Variants in PIEZO2 observed in about 807,000 individuals in gnomAD.
The protein encoded by PIEZO2 is piezo type mechanosensitive ion channel component 2, also known as piezo-type mechanosensitive ion channel component 2.
In PIEZO2, 172 loss-of-function variants were observed where a neutral mutation model predicts 337.3. That is an observed-to-expected ratio of 0.51 (90% CI 0.45 to 0.58). The LOEUF (loss-of-function observed/expected upper bound fraction) is 0.58. PIEZO2 is among the 20% of genes least tolerant of loss of function. PIEZO2 has a pLI of 0.00. For synonymous variants in PIEZO2, 1,251 were observed against 1,228.5 expected (o/e 1.02, Z -0.38); for missense variants, 3,028 against 3,391.3 (o/e 0.89, Z 2.66).
At position 11,131,177 on chromosome 18, in the gene PIEZO2, G is replaced by A. The variant is rs1043110329; in HGVS notation, c.64+17348C>T. Among the ~76,000 whole-genome samples the A allele has an allele frequency of 3.3e-5, 5 of 152,190 alleles. No individual in the cohort carries two copies. Among genetic ancestry groups the A allele is most frequent in the Admixed American group, 1.3e-4 (2 of 15,286 alleles). The stretch of plus-strand genomic sequence containing the variant: ...ACTATCGGTCATCAAGTCACCATGC[G>A]ACCTTAACTGCCTATCATGAACTGG... On this transcript the variant is annotated intron_variant, in intron 1 of 55. Coordinates refer to ENST00000674853, the MANE Select transcript of PIEZO2 (RefSeq NM_001378183.1). This position sits in a 1 kb window ranked among gnomAD's most constrained non-coding sequence, Gnocchi z 5.3.
chr18:10,738,818 AG>A (rs1355270686), intron 33 of PIEZO2: 2 of 152,226 alleles, frequency 1.3e-5, no homozygotes, highest in Admixed American at 1.3e-4. Flanking sequence ...TTGAAACATA[AG>A]GTATTGGAAT....
In PIEZO2 at chr18:11,116,339, G is replaced by A. The variant is rs1277524716; in HGVS notation, c.64+32186C>T. On this transcript the variant is annotated intron_variant, in intron 1 of 55. Coordinates refer to ENST00000674853, the MANE Select transcript of PIEZO2 (RefSeq NM_001378183.1). This position sits in a 1 kb window ranked among gnomAD's most constrained non-coding sequence, Gnocchi z 5.0. ...ACCACTAATAGAATATGTGCAAGGG[G>A]CTCTTGAGGAGGAAGCTGCCCAACG... Among the ~76,000 whole-genome samples, 1 of 152,160 alleles carries A rather than the reference G, an allele frequency of 6.6e-6. No homozygotes were observed. The highest frequency in any genetic ancestry group is 2.4e-5 in the African/African-American group (1 of 41,434).
rs2036536976 is a variant in PIEZO2, at chr18:10,726,323, C to T, written c.5029+5084G>A. ...CCGGCCAGGTGGAGCAGGTGGGTCC[C>T]CGAACGCCCCGCCCAGCGCTGCCTC... is the stretch of plus-strand genomic sequence containing the variant. On this transcript the variant is annotated intron_variant, in intron 36 of 55. Transcript: ENST00000674853. The surrounding 1 kb of genome is among the most constrained non-coding windows in gnomAD (Gnocchi z 5.9). The T allele has an allele frequency of 4.3e-6, 6 of 1,393,036 alleles. No homozygotes were observed. Among genetic ancestry groups the T allele is most frequent in the Non-Finnish European group, 5.8e-6 (6 of 1,035,354 alleles). 86.3% of individuals were successfully genotyped at this position (1,393,036 alleles called of 1,614,324 possible).
rs2036813304 is a variant in PIEZO2 at position 11,033,530 on chromosome 18, C to T, written c.160+32597G>A. ...TTTTTACAGAATTGCCTCCAAGACA[C>T]ACTTAAGGAACGCATTCCATGACAC... On this transcript the variant is annotated intron_variant, in intron 2 of 55. Coordinates refer to ENST00000674853, the MANE Select transcript of PIEZO2 (RefSeq NM_001378183.1). The surrounding 1 kb of genome is among the most constrained non-coding windows in gnomAD (Gnocchi z 4.2). Among the ~76,000 whole-genome samples the T allele has an allele frequency of 6.6e-6, 1 of 152,210 alleles. No homozygotes were observed. Among genetic ancestry groups the T allele is most frequent in the African/African-American group, 2.4e-5 (1 of 41,450 alleles).
rs1256377346 is a variant in PIEZO2, at chr18:10,750,231, GA to G, written c.4168-45del. 14 of 1,406,688 alleles carry G rather than the reference GA, an allele frequency of 1.0e-5. No homozygotes were observed. The highest frequency in any genetic ancestry group is 1.7e-4 in the Middle Eastern group (1 of 5,732). The allele number at this position is 1,406,688 out of a possible 1,614,324, so 87.1% of individuals were successfully genotyped here. On this transcript the variant is annotated intron_variant, in intron 28 of 55. Coordinates refer to ENST00000674853, the MANE Select transcript of PIEZO2 (RefSeq NM_001378183.1). This position sits in a 1 kb window ranked among gnomAD's most constrained non-coding sequence, Gnocchi z 4.1. ...GGATAATCCTGAAGCTCTGCAGCCA[GA>G]AAAAAAAGTGGTGTTTTATGATCCC...
chr18:11,117,459 C>T (rs1434180371), intron 1 of PIEZO2, among the ~76,000 whole-genome samples: 2 of 152,252 alleles, frequency 1.3e-5, no homozygotes, highest in South Asian at 2.1e-4. Context: ...CATGGAATTC[C>T]TAAAAGACAC....
Position 11,065,984 on chromosome 18 carries a change from A to G in PIEZO2, c.160+143T>C, listed in dbSNP as rs571874792. 6.3e-6 allele frequency: 4 copies of G among 630,810 alleles called. No homozygotes were observed. In the South Asian group the frequency reaches 8.5e-5, roughly 13 times the overall value. 39.1% of individuals were successfully genotyped at this position (630,810 alleles called of 1,614,324 possible). A position where few individuals can be genotyped will look rare whatever the true frequency, so the allele number is the denominator to read the frequency against. Reference sequence around the variant, plus strand: ...CAGCTCTACTTAGTGTAGTTCTTAAAATGTTTGACACCCACTCCATGCCAT... The same window carrying G: ...CAGCTCTACTTAGTGTAGTTCTTAAGATGTTTGACACCCACTCCATGCCAT... On this transcript the variant is annotated intron_variant, in intron 2 of 55. Transcript: ENST00000674853.
intron 2 of PIEZO2, among the ~76,000 whole-genome samples, chr18:11,036,788 T>C (rs1163178422): frequency 6.6e-6 from 1 of 152,084 alleles, no homozygotes; most frequent in Admixed American, 6.5e-5. Flanking sequence ...ACTGAATTAT[T>C]CTCCTCATGG....
At position 10,718,321 on chromosome 18, in the gene PIEZO2, T is replaced by C. The variant is rs2036098908; in HGVS notation, c.5030-62A>G. On this transcript the variant is annotated intron_variant, in intron 36 of 55. Transcript: ENST00000674853. ...ATCTAGGGTAAATTAAATGCCAATG[T>C]TACTCTTCTAGATTAAAAGGAATTT... The C allele has an allele frequency of 3.7e-6, 5 of 1,341,144 alleles. No homozygotes were observed. In the Admixed American group the frequency reaches 8.0e-5, roughly 21 times the overall value. The allele number at this position is 1,341,144 out of a possible 1,614,324, so 83.1% of individuals were successfully genotyped here. A position where few individuals can be genotyped will look rare whatever the true frequency, so the allele number is the denominator to read the frequency against.
Position 11,031,702 on chromosome 18 carries a change from T to C in PIEZO2, c.160+34425A>G, listed in dbSNP as rs895189701. 1.3e-5 allele frequency among the ~76,000 whole-genome samples: 2 copies of C among 152,174 alleles called. No homozygotes were observed. Among genetic ancestry groups the C allele is most frequent in the African/African-American group, 4.8e-5 (2 of 41,444 alleles). ...CGGAGGCTTCCAGAGGAGCCAGATA[T>C]AACCCTTGGTTGCTCTTGGTACGAC... On this transcript the variant is annotated intron_variant, in intron 2 of 55. Coordinates refer to ENST00000674853, the MANE Select transcript of PIEZO2 (RefSeq NM_001378183.1). This position sits in a 1 kb window ranked among gnomAD's most constrained non-coding sequence, Gnocchi z 4.7.
Position 10,759,311 on chromosome 18 carries a change from AT to A in PIEZO2, c.3757+170del, listed in dbSNP as rs1355010890. ...CTGATTTATTAATTTTGCAAATGTA[AT>A]AGGGTGAGTAGAAGCCATTAATGAC... On this transcript the variant is annotated intron_variant, in intron 26 of 55. Coordinates refer to ENST00000674853, the MANE Select transcript of PIEZO2 (RefSeq NM_001378183.1). This position sits in a 1 kb window ranked among gnomAD's most constrained non-coding sequence, Gnocchi z 5.5. 6.6e-6 allele frequency among the ~76,000 whole-genome samples: 1 copy of A among 152,238 alleles called. No individual in the cohort carries two copies. Among genetic ancestry groups the A allele is most frequent in the East Asian group, 1.9e-4 (1 of 5,186 alleles).
chr18:11,088,854 T>C (rs1434521717), intron 1 of PIEZO2, among the ~76,000 whole-genome samples: 1 of 152,188 alleles, frequency 6.6e-6, no homozygotes, highest in East Asian at 1.9e-4. Context: ...AGGGGGCTCA[T>C]GGTCTGGAGA....
chr18:10,937,352 A>G, intron 3 of PIEZO2, among the ~76,000 whole-genome samples: 1 of 152,052 alleles, frequency 6.6e-6, no homozygotes, highest in East Asian at 1.9e-4. Flanking sequence ...CTTTGGAGAT[A>G]TGTTCTTTGG....
chr18:10,703,678 C>CT (rs143301826), intron 42 of PIEZO2, among the ~76,000 whole-genome samples: 8 of 148,900 alleles, frequency 5.4e-5, no homozygotes, highest in South Asian at 2.2e-4. Flanking sequence ...GAATATCGAG[C>CT]TTTTTTTTTT....
intron 7 of PIEZO2, among the ~76,000 whole-genome samples, chr18:10,820,834 C>A (rs564972970): frequency 2.6e-5 from 4 of 152,154 alleles, no homozygotes; most frequent in African/African-American, 7.2e-5. Context: ...TTGTGATGGG[C>A]CTGCAGTAAC....
chr18:10,977,051 G>C (rs2034472689), intron 3 of PIEZO2, among the ~76,000 whole-genome samples: 2 of 147,338 alleles, frequency 1.4e-5, no homozygotes, highest in South Asian at 2.2e-4. Context: ...AAGCTTGCCT[G>C]TCTGTCTATA....
Position 11,119,721 on chromosome 18 carries a change from C to T in PIEZO2, c.64+28804G>A, listed in dbSNP as rs2039982720. ...AGTGTAGCCCTTTGTTCCATCTAAA[C>T]ACTGCCTCTTGTCATAGCCAGTGCC... On this transcript the variant is annotated intron_variant, in intron 1 of 55. Transcript: ENST00000674853. Among the ~76,000 whole-genome samples the T allele has an allele frequency of 3.3e-5, 5 of 152,184 alleles. No homozygotes were observed. In the South Asian group the frequency reaches 1.0e-3, roughly 31 times the overall value.
chr18:11,046,057 A>G (rs1301443139), intron 2 of PIEZO2, among the ~76,000 whole-genome samples: 7 of 152,208 alleles, frequency 4.6e-5, no homozygotes, highest in African/African-American at 1.7e-4. Flanking sequence ...ACAAGTATTT[A>G]AAAATTCCCC....
chr18:10,941,352 C>T (rs377746064), intron 3 of PIEZO2, among the ~76,000 whole-genome samples: 53 of 152,256 alleles, frequency 3.5e-4, no homozygotes, highest in South Asian at 8.3e-4. Flanking sequence ...TATCAATCCC[C>T]GCTTACACCC....
Sources: gnomAD v4.1 joint callset for allele counts (sites outside exome capture counted in the v4.1 genomes callset) on GRCh38, gnomAD v4.1.1 for gene constraint, Gnocchi (gnomAD v3.1) non-coding constraint, MANE v1.5 for transcripts, NCBI Gene and HGNC (gene_info 2026-07-23, HGNC 2026-07-21) for gene names.